PPARGC1A: variants seen among roughly 807,000 people sequenced by gnomAD.
PPARGC1A encodes PPARG coactivator 1 alpha.
A neutral mutation model predicts 88.7 loss-of-function variants in PPARGC1A; 25 were observed. That is an observed-to-expected ratio of 0.28 (90% CI 0.21 to 0.39). The LOEUF is 0.39. Among genes scored for constraint, PPARGC1A ranks in the 10% least tolerant of loss-of-function variants. The pLI, the probability that PPARGC1A is intolerant of heterozygous loss-of-function variation, is 1.00. For synonymous variants in PPARGC1A, 363 were observed against 355.6 expected (o/e 1.02, Z -0.24); for missense variants, 880 against 968.7 (o/e 0.91, Z 1.22).
At chr4:24,467,080 GGGAGA>G in the PPARGC1A span, among the ~76,000 whole-genome samples, 14 of 143,868 alleles carry the variant, frequency 9.7e-5, no homozygotes, top group Middle Eastern at 3.7e-3. Flanking sequence ...AAGAAAGAAA[GGGAGA>G]GAGAGAGAGA....
chr4:23,804,890 G>A (rs1719489397), intron 10 of PPARGC1A, among the ~76,000 whole-genome samples: 1 of 152,110 alleles, frequency 6.6e-6, no homozygotes. Flanking sequence ...TTGCAGTGAG[G>A]TCAGAATTCC....
At chr4:24,235,942 T>C in the PPARGC1A span, among the ~76,000 whole-genome samples, 2 of 152,146 alleles carry the variant, frequency 1.3e-5, no homozygotes, top group Non-Finnish European at 2.9e-5. Flanking sequence ...TTCAGAGGTG[T>C]GTTTTCCTTC....
chr4:24,089,277 G>T, the PPARGC1A span, among the ~76,000 whole-genome samples: 4 of 152,150 alleles, frequency 2.6e-5, no homozygotes, highest in Admixed American at 6.5e-5. Flanking sequence ...CTTAGGGACA[G>T]CCTTGGTGTC....
the PPARGC1A span, among the ~76,000 whole-genome samples, chr4:23,913,165 G>A: frequency 7.1e-6 from 1 of 140,624 alleles, no homozygotes; most frequent in South Asian, 2.2e-4. Flanking sequence ...TCTCTCAACT[G>A]ATATATGATA....
the PPARGC1A span, among the ~76,000 whole-genome samples, chr4:24,079,718 T>A: frequency 1.3e-5 from 2 of 152,070 alleles, no homozygotes; most frequent in Non-Finnish European, 2.9e-5. Context: ...ATGTTTTGAA[T>A]TTTTTGCATT....
the PPARGC1A span, among the ~76,000 whole-genome samples, chr4:24,179,742 A>AT: frequency 4.2e-4 from 64 of 152,268 alleles, no homozygotes; most frequent in African/African-American, 1.5e-3. Flanking sequence ...TTTTGAGGTG[A>AT]TTTTTTACAG....
chr4:24,099,362 T>C, the PPARGC1A span, among the ~76,000 whole-genome samples: 1 of 151,286 alleles, frequency 6.6e-6, no homozygotes, highest in Non-Finnish European at 1.5e-5. Flanking sequence ...TTTTAAAACC[T>C]TTTCTGTCAT....
chr4:24,240,218 A>G, the PPARGC1A span, among the ~76,000 whole-genome samples: 1 of 152,210 alleles, frequency 6.6e-6, no homozygotes, highest in South Asian at 2.1e-4. Context: ...CTAGAAGCCA[A>G]AGAGATGGAG....
the PPARGC1A span, among the ~76,000 whole-genome samples, chr4:24,303,438 T>C: frequency 6.6e-6 from 1 of 152,188 alleles, no homozygotes. Context: ...AGGATTGTAT[T>C]GGGGCCATCA....
At chr4:24,442,337 A>C in the PPARGC1A span, among the ~76,000 whole-genome samples, 1 of 152,216 alleles carries the variant, frequency 6.6e-6, no homozygotes, top group Admixed American at 6.5e-5. Flanking sequence ...GAGCTAATCT[A>C]AAACCTTTAG....
rs1292023249 is a variant in PPARGC1A at position 23,795,096 on chromosome 4, A to T, written c.*726T>A. 1 of 151,396 alleles carries T rather than the reference A, an allele frequency of 6.6e-6. No homozygotes were observed. Among genetic ancestry groups the T allele is most frequent in the Non-Finnish European group, 1.5e-5 (1 of 67,810 alleles). 9.4% of individuals were successfully genotyped at this position (151,396 alleles called of 1,614,324 possible). On this transcript the variant is annotated 3_prime_UTR_variant, in exon 13 of 13. Transcript: ENST00000264867. ...GAGAGAGAGACAGGATATTAGTTCT[A>T]TGGAACCTGTGGTTTCTTCAGGATT...
chr4:24,057,138 G>T, the PPARGC1A span, among the ~76,000 whole-genome samples: 1 of 152,174 alleles, frequency 6.6e-6, no homozygotes, highest in South Asian at 2.1e-4. Flanking sequence ...AGAACATTTT[G>T]ACACGTACTA....
the PPARGC1A span, among the ~76,000 whole-genome samples, chr4:24,410,770 G>A: frequency 3.3e-5 from 5 of 152,120 alleles, no homozygotes; most frequent in Non-Finnish European, 7.4e-5. Context: ...TCCTGCCCTC[G>A]AACATCAGAC....
the PPARGC1A span, among the ~76,000 whole-genome samples, chr4:24,367,214 G>A: frequency 0.17 from 25,144 of 152,120 alleles, 2,208 homozygotes; most frequent in Non-Finnish European, 0.18. Context: ...AGAAATGGGG[G>A]AGGAGACTCC....
chr4:24,412,396 G>A, the PPARGC1A span, among the ~76,000 whole-genome samples: 2 of 151,272 alleles, frequency 1.3e-5, no homozygotes, highest in Admixed American at 1.3e-4. Context: ...TGGTTAGGGG[G>A]AAAAAAAACA....
chr4:24,009,729 G>A, the PPARGC1A span, among the ~76,000 whole-genome samples: 1 of 152,182 alleles, frequency 6.6e-6, no homozygotes, highest in South Asian at 2.1e-4. Flanking sequence ...ATTGGAGTCT[G>A]CTTCGGAATC....
chr4:23,965,231 A>G, the PPARGC1A span, among the ~76,000 whole-genome samples: 2 of 152,186 alleles, frequency 1.3e-5, no homozygotes, highest in Non-Finnish European at 2.9e-5. Context: ...ACCCATCCAT[A>G]GCTATACATC....
chr4:23,990,420 G>C, the PPARGC1A span, among the ~76,000 whole-genome samples: 2 of 151,874 alleles, frequency 1.3e-5, no homozygotes, highest in Non-Finnish European at 2.9e-5. Context: ...ACCCTAGATT[G>C]TAGTAAGCAG....
the PPARGC1A span, among the ~76,000 whole-genome samples, chr4:24,130,026 A>T: frequency 6.6e-6 from 1 of 152,186 alleles, no homozygotes; most frequent in Admixed American, 6.5e-5. Context: ...GAGGGACAGC[A>T]TTTGGAGATA....
Sources: allele counts gnomAD v4.1 joint callset (sites outside exome capture counted in the v4.1 genomes callset), GRCh38; gene constraint gnomAD v4.1.1; transcripts MANE v1.5; gene names NCBI Gene and HGNC (gene_info 2026-07-23, HGNC 2026-07-21).